Variants in SLC25A26 observed in about 807,000 individuals in gnomAD.
The protein encoded by SLC25A26 is solute carrier family 25 member 26.
SLC25A26 carries 36 observed loss-of-function variants against 37.8 expected under a neutral mutation model. The observed-to-expected ratio is 0.95, with a 90% CI of 0.73 to 1.26. The LOEUF (loss-of-function observed/expected upper bound fraction) is 1.26, where lower values mean the gene tolerates loss of function less well. SLC25A26 is among the 50% of genes most tolerant of loss of function. The probability of loss-of-function intolerance (pLI) is 0.00; values close to 1 mark genes in which losing one functional copy is unlikely to be tolerated. For synonymous variants in SLC25A26, 129 were observed against 122.5 expected (o/e 1.05, Z -0.35); for missense variants, 390 against 331.1 (o/e 1.18, Z -1.38).
intron 5 of SLC25A26, among the ~76,000 whole-genome samples, chr3:66,292,580 A>G (rs895979269): frequency 6.6e-6 from 1 of 152,144 alleles, no homozygotes; most frequent in African/African-American, 2.4e-5. Context: ...TGGATTTGAA[A>G]TTCTGGGTTG....
intron 1 of SLC25A26, among the ~76,000 whole-genome samples, chr3:66,233,938 C>T (rs140647646): frequency 0.018 from 2,703 of 152,266 alleles, 35 homozygotes; most frequent in Middle Eastern, 0.034. Context: ...GTAGATAGCA[C>T]TTCTCTGAAT....
rs1183055663 is a variant in SLC25A26 at position 66,378,280 on chromosome 3, G to C, written c.*473G>C. 2.0e-5 allele frequency: 3 copies of C among 153,196 alleles called. No individual in the cohort carries two copies. Among genetic ancestry groups the C allele is most frequent in the Non-Finnish European group, 2.9e-5 (2 of 68,450 alleles). 9.5% of individuals were successfully genotyped at this position (153,196 alleles called of 1,614,324 possible). On this transcript the variant is annotated 3_prime_UTR_variant, in exon 10 of 10. Coordinates refer to ENST00000354883, the MANE Select transcript of SLC25A26 (RefSeq NM_001379210.1). Reference sequence around the variant, plus strand: ...GTTAATTCCTGTTGTGTAAGGGTAGGCTTTGTTGAAAAAGAAAGAAAGATT... The same window carrying C: ...GTTAATTCCTGTTGTGTAAGGGTAGCCTTTGTTGAAAAAGAAAGAAAGATT...
At chr3:66,342,371 G>T (rs1411112870) in intron 5 of SLC25A26, among the ~76,000 whole-genome samples, 2 of 151,982 alleles carry the variant, frequency 1.3e-5, no homozygotes, top group Non-Finnish European at 2.9e-5. Flanking sequence ...GTGGCATTAT[G>T]TTCATTGCAG....
At chr3:66,301,682 C>T (rs550024927) in intron 5 of SLC25A26, among the ~76,000 whole-genome samples, 1 of 152,306 alleles carries the variant, frequency 6.6e-6, no homozygotes, top group East Asian at 1.9e-4. Flanking sequence ...TAGTCTTTTC[C>T]TATCTACATG....
At chr3:66,302,281 T>G (rs1463991998) in intron 5 of SLC25A26, among the ~76,000 whole-genome samples, 1 of 152,242 alleles carries the variant, frequency 6.6e-6, no homozygotes, top group Non-Finnish European at 1.5e-5. Flanking sequence ...TTTTGCAAAC[T>G]ACAAGCTAAC....
At chr3:66,209,067 C>CAA in intron 1 of SLC25A26, among the ~76,000 whole-genome samples, 1 of 44,562 alleles carries the variant, frequency 2.2e-5, no homozygotes, top group African/African-American at 1.1e-4. Context: ...TATATATATA[C>CAA]ACACACACAC....
At chr3:66,211,224 G>A (rs970374189) in intron 1 of SLC25A26, among the ~76,000 whole-genome samples, 12 of 152,274 alleles carry the variant, frequency 7.9e-5, no homozygotes, top group African/African-American at 2.4e-4. Context: ...AGCATTAAGC[G>A]GACTGTGTTC....
In SLC25A26 at chr3:66,273,886, T is replaced by A. The variant is rs1018295755; in HGVS notation, c.453+10507T>A. ...GCTACCAATGACTTTCTTCACAGAA[T>A]TGGAAAAAACTACTTTAAAGTTCAT... On this transcript the variant is annotated intron_variant, in intron 5 of 9. Coordinates refer to ENST00000354883, the MANE Select transcript of SLC25A26 (RefSeq NM_001379210.1). 2.0e-5 allele frequency among the ~76,000 whole-genome samples: 3 copies of A among 152,034 alleles called. No individual in the cohort carries two copies. In the South Asian group the frequency reaches 6.2e-4, roughly 32 times the overall value.
At chr3:66,271,354 G>T (rs889914401) in intron 5 of SLC25A26, among the ~76,000 whole-genome samples, 1 of 152,114 alleles carries the variant, frequency 6.6e-6, no homozygotes, top group Non-Finnish European at 1.5e-5. Context: ...ATGAGGGCAA[G>T]GAGAATCCAG....
chr3:66,377,003 C>CCAT (rs1434165715), intron 9 of SLC25A26, among the ~76,000 whole-genome samples: 1 of 152,134 alleles, frequency 6.6e-6, no homozygotes, highest in Non-Finnish European at 1.5e-5. Context: ...ACTTATATCA[C>CCAT]CATCAGCAAT....
At chr3:66,278,711 T>G (rs888433096) in intron 5 of SLC25A26, among the ~76,000 whole-genome samples, 2 of 152,226 alleles carry the variant, frequency 1.3e-5, no homozygotes, top group African/African-American at 4.8e-5. Context: ...CTACGAACTT[T>G]CTGCATCTTA....
At chr3:66,221,225 G>A (rs2071475884) in intron 1 of SLC25A26, 98 bp downstream of exon 1, 8 of 1,316,802 alleles carry the variant, frequency 6.1e-6, no homozygotes, top group Non-Finnish European at 6.1e-6. Context: ...GGTTTTGCGG[G>A]CTGGACTGTC....
intron 5 of SLC25A26, among the ~76,000 whole-genome samples, chr3:66,329,957 G>T (rs1472716328): frequency 6.6e-6 from 1 of 152,130 alleles, no homozygotes; most frequent in Admixed American, 6.6e-5. Context: ...TTTTTGTAGG[G>T]ATCTAATCCG....
At chr3:66,174,161 C>T (rs1476398751) in intron 1 of SLC25A26, among the ~76,000 whole-genome samples, 1 of 152,034 alleles carries the variant, frequency 6.6e-6, no homozygotes, top group South Asian at 2.1e-4. Context: ...GTTCAGTATT[C>T]CTCCAAACAA....
At chr3:66,301,337 T>C (rs1180052060) in intron 5 of SLC25A26, among the ~76,000 whole-genome samples, 3 of 152,220 alleles carry the variant, frequency 2.0e-5, no homozygotes, top group African/African-American at 7.2e-5. Flanking sequence ...AGGAATTTAG[T>C]AATAATGCTG....
chr3:66,225,986 TC>T (rs1553660470), intron 1 of SLC25A26, among the ~76,000 whole-genome samples: 1 of 152,218 alleles, frequency 6.6e-6, no homozygotes, highest in African/African-American at 2.4e-5. Flanking sequence ...TCCCACATCT[TC>T]CTGTCTTCTG....
rs146496283 is a variant in SLC25A26 at position 66,240,418 on chromosome 3, G to A, written c.191-2785G>A. 3.6e-3 allele frequency among the ~76,000 whole-genome samples: 542 copies of A among 152,170 alleles called. 6 individuals carry two copies. Among genetic ancestry groups the A allele is most frequent in the African/African-American group, 0.012 (518 of 41,516 alleles). ...GATCCTCCCACCTCAGTCCCAAGTA[G>A]CTGGGATTACAGGTGTGGGCAACCA... On this transcript the variant is annotated intron_variant, in intron 2 of 9. Transcript: ENST00000354883.
At chr3:66,192,876 A>G (rs908965369) in intron 1 of SLC25A26, among the ~76,000 whole-genome samples, 1 of 152,162 alleles carries the variant, frequency 6.6e-6, no homozygotes, top group Non-Finnish European at 1.5e-5. Context: ...CTTTTAATTA[A>G]CATGAGATAA....
chr3:66,147,722 C>G (rs183707717), intron 1 of SLC25A26, among the ~76,000 whole-genome samples: 5 of 152,062 alleles, frequency 3.3e-5, no homozygotes, highest in Non-Finnish European at 7.4e-5. Context: ...AAAAGCCTTC[C>G]CTTTGCACCA....
Sources: allele counts gnomAD v4.1 joint callset (sites outside exome capture counted in the v4.1 genomes callset), GRCh38; gene constraint gnomAD v4.1.1; transcripts MANE v1.5; gene names NCBI Gene and HGNC (gene_info 2026-07-23, HGNC 2026-07-21).